The following KIAA1614 variants were observed in gnomAD, a reference collection of about 807,000 sequenced individuals.
KIAA1614 encodes KIAA1614.
Under a neutral mutation model 88.7 loss-of-function variants are expected in KIAA1614, and 76 were observed. The ratio of observed to expected loss-of-function variants is 0.86; its 90% CI spans 0.71 to 1.04. The LOEUF (loss-of-function observed/expected upper bound fraction) is 1.04, where lower values mean the gene tolerates loss of function less well. Among genes scored for constraint, KIAA1614 ranks in the 50% least tolerant of loss-of-function variants. The pLI, the probability that KIAA1614 is intolerant of heterozygous loss-of-function variation, is 0.00. For missense variants in KIAA1614, 1,553 were observed against 1,582.5 expected, an observed-to-expected ratio of 0.98 and a Z score of 0.32; for synonymous variants, 714 against 675.5, an observed-to-expected ratio of 1.06 and a Z score of -0.88.
chr1:180,937,945 G>C (rs1230299678), intron 5 of KIAA1614, among the ~76,000 whole-genome samples: 1 of 152,180 alleles, frequency 6.6e-6, no homozygotes, highest in African/African-American at 2.4e-5. Flanking sequence ...GCTTGAAGCA[G>C]AGCGAGTGAG....
Position 180,916,574 on chromosome 1 carries a change from T to C in KIAA1614, c.471T>C (p.Asn157=). ...ATGGGCAGCTGGACGGCAGCATCAA[T>C]GAGGAGCAACCCGCCAGGGATGGAG... The part of the protein sequence containing the change: ...LPDGQLDGSI[N]EEQPARDGGP... Residue 157 remains asparagine, a synonymous_variant, in exon 2 of 9, where the codon AAT becomes AAC. Coordinates refer to ENST00000367588, the MANE Select transcript of KIAA1614 (RefSeq NM_020950.2). The C allele has an allele frequency of 6.2e-7, 1 of 1,610,106 alleles. No individual in the cohort carries two copies. The highest frequency in any genetic ancestry group is 8.5e-7 in the Non-Finnish European group (1 of 1,177,722).
At chr1:180,918,964 G>A (rs1359245648) in intron 3 of KIAA1614, among the ~76,000 whole-genome samples, 1 of 152,126 alleles carries the variant, frequency 6.6e-6, no homozygotes, top group Non-Finnish European at 1.5e-5. Flanking sequence ...TTCATAGATG[G>A]TGCCTTCTTG....
In KIAA1614 at chr1:180,916,483, G is replaced by C; in HGVS notation, c.380G>C (p.Gly127Ala). The change falls in exon 2 of 9, where the codon GGG becomes GCG. Residue 127 changes from glycine (G) to alanine (A), a missense_variant. Gly to Ala is a moderately conservative substitution (Grantham distance 60). Coordinates refer to ENST00000367588, the MANE Select transcript of KIAA1614 (RefSeq NM_020950.2). Reference sequence around the variant, plus strand: ...AGACGAGGCAAGGCAGGGAGAGCCGGGACTCCATCAGAGGGGTCTTTCCTG... The same window carrying C: ...AGACGAGGCAAGGCAGGGAGAGCCGCGACTCCATCAGAGGGGTCTTTCCTG... Reference protein sequence around the residue: ...QCRRGKAGRAGTPSEGSFLPG... With the variant: ...QCRRGKAGRAATPSEGSFLPG... 6.2e-7 allele frequency: 1 copy of C among 1,614,146 alleles called. No individual in the cohort carries two copies. Among genetic ancestry groups the C allele is most frequent in the Non-Finnish European group, 8.5e-7 (1 of 1,180,044 alleles).
intron 4 of KIAA1614, among the ~76,000 whole-genome samples, chr1:180,934,846 A>G (rs1430325392): frequency 6.6e-6 from 1 of 152,206 alleles, no homozygotes. Context: ...ATCTTAACTC[A>G]GGCTGAGCCA....
rs113896197 is a variant in KIAA1614, at chr1:180,950,529, G to A, written c.*4941G>A. 1.1e-3 allele frequency: 1,187 copies of A among 1,104,616 alleles called. 11 individuals carry two copies. The African/African-American group carries it at 0.017, about 16-fold the overall frequency. The allele number at this position is 1,104,616 out of a possible 1,614,324, so 68.4% of individuals were successfully genotyped here. ...GTCCTGAGGCAGAGACCTGTCCCACGGTGACCCAGAAGTGCCGCTGCCCTC... is the reference window on the plus strand; with the variant it reads ...GTCCTGAGGCAGAGACCTGTCCCACAGTGACCCAGAAGTGCCGCTGCCCTC... On this transcript the variant is annotated 3_prime_UTR_variant, in exon 9 of 9. Transcript: ENST00000367588.
chr1:180,919,540 G>A (rs1226762003), intron 3 of KIAA1614, among the ~76,000 whole-genome samples: 5 of 152,112 alleles, frequency 3.3e-5, no homozygotes, highest in African/African-American at 1.2e-4. Flanking sequence ...GCCCTCTTCT[G>A]CAGAGGTGGT....
intron 2 of KIAA1614, 85 bp from the exon 3 acceptor site, chr1:180,917,766 C>A (rs1653852098): frequency 9.1e-7 from 1 of 1,103,398 alleles, no homozygotes; most frequent in Non-Finnish European, 1.4e-6. Context: ...TCTGGAGAAA[C>A]TCTTCTCCTC....
chr1:180,935,775 G>A lies in KIAA1614; in HGVS notation c.1866G>A (p.Arg622=), dbSNP rs958155391. ...LDSTDNSDNC[R]TDSEEAGTSQ... ...GCACAGACAACTCTGACAACTGCAG[G>A]ACCGACAGTGAGGAGGCGGGGACCT... The change falls in exon 5 of 9, where the codon AGG becomes AGA. Residue 622 remains arginine (R), a synonymous_variant. Coordinates refer to ENST00000367588, the MANE Select transcript of KIAA1614 (RefSeq NM_020950.2). The surrounding 1 kb of genome is among the most constrained non-coding windows in gnomAD (Gnocchi z 6.1). 1 of 1,613,768 alleles carries A rather than the reference G, an allele frequency of 6.2e-7. No homozygotes were observed. Among genetic ancestry groups the A allele is most frequent in the African/African-American group, 1.3e-5 (1 of 74,938 alleles).
At chr1:180,944,857 T>C (rs1035965270) in intron 8 of KIAA1614, 5 of 254,068 alleles carry the variant, frequency 2.0e-5, no homozygotes, top group Non-Finnish European at 3.7e-5. Context: ...AATAAACACA[T>C]AGAGACAGAG....
rs201945338 is a variant in KIAA1614 at position 180,941,064 on chromosome 1, A to G, written c.2938A>G (p.Thr980Ala). 0.011 allele frequency: 15,296 copies of G among 1,338,658 alleles called. 108 individuals carry two copies. The highest frequency in any genetic ancestry group is 0.022 in the Middle Eastern group (95 of 4,238). The allele number at this position is 1,338,658 out of a possible 1,614,324, so 82.9% of individuals were successfully genotyped here. A position where few individuals can be genotyped will look rare whatever the true frequency, so the allele number is the denominator to read the frequency against. ...VLSRASAGAGTGPGSPSAAPL... is the reference protein window; with the variant it reads ...VLSRASAGAGAGPGSPSAAPL... ...TTTCAGAGCATCAGCAGGAGCTGGC[A>G]CAGGACCCGGCTCCCCCTCGGCTGC... is the stretch of plus-strand genomic sequence containing the variant. Residue 980 changes from threonine (T) to alanine (A), a missense_variant, in exon 7 of 9, where the codon ACA becomes GCA. Thr to Ala is a moderately conservative substitution (Grantham distance 58). Transcript: ENST00000367588.
chr1:180,913,122 G>A lies in KIAA1614; in HGVS notation c.-122G>A, dbSNP rs1421538528. On this transcript the variant is annotated 5_prime_UTR_variant, in exon 1 of 9. Coordinates refer to ENST00000367588, the MANE Select transcript of KIAA1614 (RefSeq NM_020950.2). ...GGACCCCCAGTCGGCCGCGCCCCGA[G>A]GGGCGAGGCCTGCGGGCCGCACTCC... 1 of 719,046 alleles carries A rather than the reference G, an allele frequency of 1.4e-6. No individual in the cohort carries two copies. The highest frequency in any genetic ancestry group is 1.9e-5 in the African/African-American group (1 of 53,994). The allele number at this position is 719,046 out of a possible 1,614,324, so 44.5% of individuals were successfully genotyped here.
In KIAA1614 at chr1:180,941,284, C is replaced by T. The variant is rs528318162; in HGVS notation, c.3158C>T (p.Pro1053Leu). Residue 1053 changes from proline (P) to leucine (L), a missense_variant and splice_region_variant, in exon 7 of 9, where the codon CCG becomes CTG. Physicochemically the swap from Pro to Leu is moderately conservative, Grantham distance 98 (BLOSUM62 -3). Coordinates refer to ENST00000367588, the MANE Select transcript of KIAA1614 (RefSeq NM_020950.2). The part of the protein sequence containing the change: ...SRAPSLQSLH[P>L]VSPSHQRRKA... ...GCCCCATCGTTACAATCCCTGCACC[C>T]GGTGAGTCCAGGGGCCCCAGCCCAG... 27 of 1,605,758 alleles carry T rather than the reference C, an allele frequency of 1.7e-5. No individual in the cohort carries two copies. In the East Asian group the frequency reaches 3.6e-4, roughly 21 times the overall value.
At chr1:180,917,721 G>A in intron 2 of KIAA1614, 130 bp from the exon 3 acceptor site, 1 of 761,968 alleles carries the variant, frequency 1.3e-6, no homozygotes. Flanking sequence ...CAATTTTCAG[G>A]CAAAGTGTTA....
chr1:180,938,091 G>A (rs1006681572), intron 5 of KIAA1614, among the ~76,000 whole-genome samples: 2 of 152,198 alleles, frequency 1.3e-5, no homozygotes, highest in African/African-American at 4.8e-5. Context: ...GCACATAACA[G>A]ATCTCCAGAA....
At chr1:180,934,021 G>C (rs561345535) in intron 4 of KIAA1614, among the ~76,000 whole-genome samples, 1 of 152,216 alleles carries the variant, frequency 6.6e-6, no homozygotes, top group Non-Finnish European at 1.5e-5. Flanking sequence ...TTGGGAGGTC[G>C]AGGCAGGCAG....
chr1:180,942,063 AC>A (rs941670824), intron 7 of KIAA1614, among the ~76,000 whole-genome samples: 3 of 90,092 alleles, frequency 3.3e-5, no homozygotes, highest in Non-Finnish European at 6.9e-5. Context: ...CCCCCTCCCC[AC>A]CCCCCCAGCC....
rs1654330754 is a variant in KIAA1614, at chr1:180,936,254, A to G, written c.2345A>G (p.Gln782Arg). 1.2e-6 allele frequency: 2 copies of G among 1,614,198 alleles called. No homozygotes were observed. The change falls in exon 5 of 9, where the codon CAA becomes CGA. Residue 782 changes from glutamine to arginine, a missense_variant. By Grantham distance (43) the Gln-to-Arg change is conservative. Transcript: ENST00000367588. ...SLEIVSPSSL[Q>R]QSHAEPSAPH... ...GAAATTGTCTCTCCTTCCTCCCTGC[A>G]ACAGAGCCATGCAGAGCCTTCTGCC...
chr1:180,938,263 T>C (rs1352233923), intron 5 of KIAA1614, among the ~76,000 whole-genome samples: 1 of 152,216 alleles, frequency 6.6e-6, no homozygotes, highest in Non-Finnish European at 1.5e-5. Context: ...GATCATCTAC[T>C]GTGGACCAGG....
chr1:180,936,612 G>A lies in KIAA1614; in HGVS notation c.2703G>A (p.Arg901=), dbSNP rs759763902. 7.5e-6 allele frequency: 12 copies of A among 1,601,324 alleles called. No homozygotes were observed. Among genetic ancestry groups the A allele is most frequent in the Admixed American group, 3.4e-5 (2 of 58,010 alleles). ...ACGGGGGAGCCGTCCACGAGGGTAG[G>A]GTGGAGAGGGGCCCCTGCAGCCGGG... ...EPYGGAVHEG[R]VERGPCSREP... is the part of the protein sequence containing the mutation. Residue 901 remains arginine, a synonymous_variant, in exon 5 of 9, where the codon AGG becomes AGA. Coordinates refer to ENST00000367588, the MANE Select transcript of KIAA1614 (RefSeq NM_020950.2).
Sources: allele counts gnomAD v4.1 joint callset (sites outside exome capture counted in the v4.1 genomes callset), GRCh38; gene constraint gnomAD v4.1.1; non-coding constraint Gnocchi (gnomAD v3.1); transcripts MANE v1.5; gene names NCBI Gene and HGNC (gene_info 2026-07-23, HGNC 2026-07-21).